The following POM121C variants were observed in gnomAD, a reference collection of about 807,000 sequenced individuals.
POM121C encodes the protein POM121 transmembrane nucleoporin C, also known as nuclear envelope pore membrane protein POM 121C.
POM121C carries 20 observed loss-of-function variants against 66.4 expected under a neutral mutation model. The observed-to-expected ratio is 0.30, with a 90% CI of 0.21 to 0.44. POM121C has a LOEUF of 0.44. Among genes scored for constraint, POM121C ranks in the 20% least tolerant of loss-of-function variants. The pLI is 1.00. For missense variants in POM121C, 580 were observed against 1,225.7 expected, an observed-to-expected ratio of 0.47 and a Z score of 7.87; for synonymous variants, 286 against 528.0, an observed-to-expected ratio of 0.54 and a Z score of 6.28.
chr7:75,440,736 C>T, intron 5 of POM121C: 1 of 642,414 alleles, frequency 1.6e-6, no homozygotes, highest in Non-Finnish European at 2.7e-6. Context: ...ATCTCTGCTA[C>T]TCACAGAAAA....
chr7:75,486,171 C>T lies in POM121C; in HGVS notation c.-765G>A. Reference sequence around the variant, plus strand: ...CGAACCCTGGGCCGCACAGCTCCCGCCCGCCTAGGTGCTGGTCCGGGCGGT... The same window carrying T: ...CGAACCCTGGGCCGCACAGCTCCCGTCCGCCTAGGTGCTGGTCCGGGCGGT... On this transcript the variant is annotated 5_prime_UTR_variant, in exon 1 of 15. Coordinates refer to ENST00000615331, the MANE Select transcript of POM121C (RefSeq NM_001099415.3). 2 of 316,880 alleles carry T rather than the reference C, an allele frequency of 6.3e-6. No homozygotes were observed. Among genetic ancestry groups the T allele is most frequent in the South Asian group, 4.6e-5 (2 of 43,390 alleles). 19.6% of individuals were successfully genotyped at this position (316,880 alleles called of 1,614,324 possible). A position where few individuals can be genotyped will look rare whatever the true frequency, so the allele number is the denominator to read the frequency against.
chr7:75,430,590 T>C (rs1439293901), intron 7 of POM121C, among the ~76,000 whole-genome samples: 1 of 152,178 alleles, frequency 6.6e-6, no homozygotes, highest in Non-Finnish European at 1.5e-5. Flanking sequence ...GAAGGTAGCA[T>C]AGAAGAAAAT....
At chr7:75,484,768 C>T (rs1792452786) in intron 1 of POM121C, among the ~76,000 whole-genome samples, 1 of 151,626 alleles carries the variant, frequency 6.6e-6, no homozygotes. Context: ...GGTAACATGA[C>T]TCCTTTTACA....
In POM121C at chr7:75,416,925, G is replaced by A. The variant is rs1181917563; in HGVS notation, c.*1871C>T. ...AGTCCCAGCCTCCCGCTGCCGTCCA[G>A]TGTGTGTACTGTACACATCCACACT... On this transcript the variant is annotated 3_prime_UTR_variant, in exon 15 of 15. Coordinates refer to ENST00000615331, the MANE Select transcript of POM121C (RefSeq NM_001099415.3). The A allele has an allele frequency of 3.5e-6, 5 of 1,425,900 alleles. No individual in the cohort carries two copies. The highest frequency in any genetic ancestry group is 4.6e-6 in the Non-Finnish European group (5 of 1,094,852). The allele number at this position is 1,425,900 out of a possible 1,614,324, so 88.3% of individuals were successfully genotyped here.
rs184678760 is a variant in POM121C, at chr7:75,428,624, T to C, written c.481-2171A>G. Among the ~76,000 whole-genome samples the C allele has an allele frequency of 5.3e-3, 801 of 152,250 alleles. 5 individuals are homozygous for C. The highest frequency in any genetic ancestry group is 0.024 in the Middle Eastern group (7 of 294). On this transcript the variant is annotated intron_variant, in intron 7 of 14. Transcript: ENST00000615331. The stretch of plus-strand genomic sequence containing the variant: ...TTAAAACAAAACCATAAACCTTGCA[T>C]TTTTGTTCACAATGTGCTCCAGACA...
chr7:75,476,356 C>G (rs1268925109), intron 1 of POM121C, among the ~76,000 whole-genome samples: 2 of 151,990 alleles, frequency 1.3e-5, no homozygotes, highest in South Asian at 4.1e-4. Flanking sequence ...CTTGGCCTCC[C>G]AAAGTATTGG....
chr7:75,466,372 G>A (rs1791650111), intron 3 of POM121C, among the ~76,000 whole-genome samples: 1 of 151,918 alleles, frequency 6.6e-6, no homozygotes, highest in South Asian at 2.1e-4. Context: ...TTGGGAGGCT[G>A]AGGTGGGCAG....
At chr7:75,481,593 G>T (rs1792310472) in intron 1 of POM121C, among the ~76,000 whole-genome samples, 1 of 152,136 alleles carries the variant, frequency 6.6e-6, no homozygotes, top group African/African-American at 2.4e-5. Context: ...AACACTGGGA[G>T]GTTAAAGAAG....
chr7:75,431,754 C>G (rs1790191131), intron 7 of POM121C, among the ~76,000 whole-genome samples: 1 of 151,830 alleles, frequency 6.6e-6, no homozygotes, highest in Non-Finnish European at 1.5e-5. Flanking sequence ...AGTTTGAGAC[C>G]AGCCTGGCCA....
chr7:75,465,173 T>C (rs1214547984), intron 3 of POM121C, among the ~76,000 whole-genome samples: 1 of 151,896 alleles, frequency 6.6e-6, no homozygotes, highest in Non-Finnish European at 1.5e-5. Flanking sequence ...TTTGTATTTT[T>C]AGTAGAGATT....
intron 1 of POM121C, among the ~76,000 whole-genome samples, chr7:75,481,025 CAA>C (rs199941717): frequency 0.077 from 10,498 of 136,602 alleles, 394 homozygotes; most frequent in Non-Finnish European, 0.11. Flanking sequence ...TCAAATAGTT[CAA>C]AAAATATATA....
chr7:75,421,881 G>A lies in POM121C; in HGVS notation c.2371C>T (p.Gln791Ter). The A allele has an allele frequency of 6.2e-7, 1 of 1,612,324 alleles. No homozygotes were observed. The highest frequency in any genetic ancestry group is 8.5e-7 in the Non-Finnish European group (1 of 1,179,576). The change falls in exon 13 of 15, where the codon CAG (glutamine) becomes TAG (stop). Residue 791 changes from glutamine to a stop codon, truncating the protein, a stop_gained. Transcript: ENST00000615331. LOFTEE classifies it high-confidence loss of function. ...GCAGTGGAGCCGCCAAAGGCGGGCT[G>A]TGAGCTGGCGGGAGCGCCGAAGGCG... ...ASAFGAPASS[Q>*]PAFGGSTAVF... is the part of the protein sequence containing the mutation.
chr7:75,442,389 T>C (rs1790687064), intron 3 of POM121C: 22 of 1,445,648 alleles, frequency 1.5e-5, no homozygotes, highest in Non-Finnish European at 2.0e-5. Flanking sequence ...TCGAGCAGGG[T>C]CCGCGGCTCT....
intron 13 of POM121C, chr7:75,421,176 A>G: frequency 1.9e-6 from 1 of 517,866 alleles, no homozygotes; most frequent in Non-Finnish European, 3.1e-6. Context: ...GGGTTTCGCC[A>G]AGTTGCCCAG....
chr7:75,467,183 C>G (rs782196052), intron 3 of POM121C, among the ~76,000 whole-genome samples: 1 of 152,190 alleles, frequency 6.6e-6, no homozygotes, highest in Non-Finnish European at 1.5e-5. Flanking sequence ...ACCACCTTCA[C>G]TCATATGACG....
chr7:75,464,839 A>G (rs1693595555), intron 3 of POM121C, among the ~76,000 whole-genome samples: 1 of 74,140 alleles, frequency 1.3e-5, no homozygotes, highest in Non-Finnish European at 2.7e-5. Context: ...CTGGGTGACA[A>G]GAACGAAACT....
rs187879144 is a variant in POM121C at position 75,430,139 on chromosome 7, C to T, written c.481-3686G>A. 2.4e-3 allele frequency among the ~76,000 whole-genome samples: 360 copies of T among 152,136 alleles called. 3 individuals carry two copies. Among genetic ancestry groups the T allele is most frequent in the African/African-American group, 8.4e-3 (348 of 41,522 alleles). ...GGCAATCCCAATCAGTATCTCAAAA[C>T]TTTTTTTTGTGTGTGTGGAAATTGA... is the stretch of plus-strand genomic sequence containing the variant. On this transcript the variant is annotated intron_variant, in intron 7 of 14. Coordinates refer to ENST00000615331, the MANE Select transcript of POM121C (RefSeq NM_001099415.3).
intron 1 of POM121C, among the ~76,000 whole-genome samples, chr7:75,484,746 T>TA (rs1290306987): frequency 2.0e-5 from 3 of 149,228 alleles, no homozygotes; most frequent in Non-Finnish European, 3.0e-5. Context: ...TTAGATGAGT[T>TA]AGACTCTCAT....
chr7:75,433,234 CAAAAAAAAA>C (rs782004307), intron 7 of POM121C, among the ~76,000 whole-genome samples: 3 of 44,254 alleles, frequency 6.8e-5, no homozygotes, highest in East Asian at 6.3e-4. Flanking sequence ...GACTCTGTCT[CAAAAAAAAA>C]AAAAAAAAAA....
Sources: gnomAD v4.1 joint callset for allele counts (sites outside exome capture counted in the v4.1 genomes callset) on GRCh38, gnomAD v4.1.1 for gene constraint, MANE v1.5 for transcripts, NCBI Gene and HGNC (gene_info 2026-07-23, HGNC 2026-07-21) for gene names.